LRRC42: variants seen among roughly 807,000 people sequenced by gnomAD.
LRRC42 encodes the protein leucine rich repeat containing 42, also known as leucine-rich repeat-containing protein 42.
A neutral mutation model predicts 44.3 loss-of-function variants in LRRC42; 43 were observed. That is an observed-to-expected ratio of 0.97 (90% CI 0.76 to 1.25). The LOEUF is 1.25. Among genes scored for constraint, LRRC42 ranks in the 50% most tolerant of loss-of-function variants. The pLI is 0.00. For missense variants in LRRC42, 540 were observed against 509.1 expected (o/e 1.06, Z -0.58); for synonymous variants, 207 against 195.2 (o/e 1.06, Z -0.50).
Position 53,967,852 on chromosome 1 carries a change from GACAGA to G in LRRC42, c.1207_1211del (p.Gln403Ter). ...AGAAGAGACCTTTTGAGGAGTCAGAGACAGAACAGAATAACTCTTCACAACCTTCA... is the reference window on the plus strand; with the variant it reads ...AGAAGAGACCTTTTGAGGAGTCAGAGACAGAATAACTCTTCACAACCTTCA... On this transcript the variant is annotated frameshift_variant, in exon 9 of 9. Transcript: ENST00000371370. LOFTEE classifies it high-confidence loss of function. 1 of 1,614,188 alleles carries G rather than the reference GACAGA, an allele frequency of 6.2e-7. No individual in the cohort carries two copies. The highest frequency in any genetic ancestry group is 8.5e-7 in the Non-Finnish European group (1 of 1,180,026).
intron 5 of LRRC42, among the ~76,000 whole-genome samples, chr1:53,961,039 C>T (rs1180811788): frequency 2.0e-5 from 3 of 152,242 alleles, no homozygotes; most frequent in South Asian, 2.1e-4. Context: ...ACCACTTTTA[C>T]TACCAGTTAT....
At chr1:53,954,255 A>G (rs1394609379) in intron 3 of LRRC42, among the ~76,000 whole-genome samples, 1 of 152,256 alleles carries the variant, frequency 6.6e-6, no homozygotes, top group African/African-American at 2.4e-5. Context: ...AGAAAAGAAT[A>G]GAAACTTGGC....
intron 4 of LRRC42, 69 bp downstream of exon 4, chr1:53,958,349 A>G (rs751432862): frequency 1.2e-4 from 186 of 1,568,520 alleles, no homozygotes; most frequent in Non-Finnish European, 1.6e-4. Context: ...CAACAGGATT[A>G]TCTTCAGGAA....
intron 7 of LRRC42, among the ~76,000 whole-genome samples, chr1:53,964,083 C>A (rs537803204): frequency 3.9e-5 from 6 of 152,052 alleles, no homozygotes; most frequent in Admixed American, 1.3e-4. Context: ...TGTCCCACCC[C>A]CTCCTTGCCT....
intron 2 of LRRC42, among the ~76,000 whole-genome samples, chr1:53,950,924 AAAAAAATCC>A (rs1654657893): frequency 6.6e-6 from 1 of 152,188 alleles, no homozygotes; most frequent in Admixed American, 6.5e-5. Context: ...TTTGTAGATA[AAAAAAATCC>A]TGTTGCTTTT....
At chr1:53,952,615 G>A (rs778100929) in intron 3 of LRRC42, 143 bp downstream of exon 3, 1 of 616,126 alleles carries the variant, frequency 1.6e-6, no homozygotes, top group African/African-American at 1.8e-5. Context: ...AGACCATATT[G>A]AAAAAAATCA....
At chr1:53,964,808 G>C (rs1655083979) in intron 7 of LRRC42, among the ~76,000 whole-genome samples, 1 of 152,022 alleles carries the variant, frequency 6.6e-6, no homozygotes, top group Non-Finnish European at 1.5e-5. Context: ...CTTGCCATGG[G>C]TCCCCTGGCA....
intron 3 of LRRC42, among the ~76,000 whole-genome samples, chr1:53,953,177 C>T (rs1654741203): frequency 6.6e-6 from 1 of 152,206 alleles, no homozygotes. Context: ...CTCCAGTTTC[C>T]TCTCTCCAGA....
chr1:53,948,213 A>G (rs1654580302), intron 2 of LRRC42, among the ~76,000 whole-genome samples: 1 of 152,148 alleles, frequency 6.6e-6, no homozygotes, highest in Admixed American at 6.5e-5. Flanking sequence ...CTGAAGTTAG[A>G]TATTTTCTTC....
At chr1:53,959,661 A>C (rs1232349270) in intron 4 of LRRC42, among the ~76,000 whole-genome samples, 2 of 152,260 alleles carry the variant, frequency 1.3e-5, no homozygotes, top group Admixed American at 6.5e-5. Context: ...AAGCTGGTTA[A>C]ATTTAGAGGA....
In LRRC42 at chr1:53,952,109, G is replaced by T. The variant is rs1170621581; in HGVS notation, c.110G>T (p.Ser37Ile). ...CTGGCTCTGGATGGTGTCAGGAGTA[G>T]CCTGCAGAAGCCAAGGCCTTTCAGA... The part of the protein sequence containing the change: ...VNLALDGVRS[S>I]LQKPRPFRLF... The change falls in exon 3 of 9, where the codon AGC (serine) becomes ATC (isoleucine). Residue 37 changes from serine (S) to isoleucine (I), a missense_variant. Physicochemically the swap from Ser to Ile is moderately radical, Grantham distance 142. Transcript: ENST00000371370. The T allele has an allele frequency of 6.2e-7, 1 of 1,614,208 alleles. No individual in the cohort carries two copies. The highest frequency in any genetic ancestry group is 1.6e-4 in the Middle Eastern group (1 of 6,062).
chr1:53,960,389 A>T lies in LRRC42; in HGVS notation c.639A>T (p.Leu213Phe). Residue 213 changes from leucine (L) to phenylalanine (F), a missense_variant, in exon 5 of 9, where the codon TTA becomes TTT. Transcript: ENST00000371370. ...AGCTCCACCTGAAGGATAATTGTTT[A>T]TCTGATGCTGGGGTGCGGAAGATGA... ...VTQLHLKDNC[L>F]SDAGVRKMTA... 2 of 1,613,872 alleles carry T rather than the reference A, an allele frequency of 1.2e-6. No individual in the cohort carries two copies. Among genetic ancestry groups the T allele is most frequent in the Non-Finnish European group, 1.7e-6 (2 of 1,179,932 alleles).
rs564189828 is a variant in LRRC42, at chr1:53,958,191, C to G, written c.516C>G (p.Phe172Leu). Reference protein sequence around the residue: ...ISEKLEEIKSFRELTCLDLSC... With the variant: ...ISEKLEEIKSLRELTCLDLSC... ...AAAAGCTTGAGGAGATTAAGTCTTT[C>G]CGGGAGCTGACCTGCCTGGATCTTT... is the stretch of plus-strand genomic sequence containing the variant. The change falls in exon 4 of 9, where the codon TTC (phenylalanine) becomes TTG (leucine). Residue 172 changes from phenylalanine to leucine, a missense_variant. Coordinates refer to ENST00000371370, the MANE Select transcript of LRRC42 (RefSeq NM_001256409.2). The G allele has an allele frequency of 6.2e-7, 1 of 1,613,900 alleles. No individual in the cohort carries two copies. Among genetic ancestry groups the G allele is most frequent in the Non-Finnish European group, 8.5e-7 (1 of 1,179,858 alleles).
At chr1:53,966,219 A>G in intron 7 of LRRC42, 77 bp from the exon 8 acceptor site, 6 of 1,208,658 alleles carry the variant, frequency 5.0e-6, no homozygotes, top group South Asian at 1.2e-5. Context: ...GGAGAGGGAA[A>G]AAGGGGGAAC....
Position 53,954,398 on chromosome 1 carries a change from T to C in LRRC42, c.473+1926T>C, listed in dbSNP as rs1171601454. On this transcript the variant is annotated intron_variant, in intron 3 of 8. Coordinates refer to ENST00000371370, the MANE Select transcript of LRRC42 (RefSeq NM_001256409.2). ...AATGAAAAAGTCAAGCAATATTTCA[T>C]TGTGGCTTATGCATTTAAAATACGT... 2.0e-5 allele frequency among the ~76,000 whole-genome samples: 3 copies of C among 152,370 alleles called. No individual in the cohort carries two copies. The East Asian group carries it at 5.8e-4, about 29-fold the overall frequency.
intron 5 of LRRC42, 103 bp downstream of exon 5, chr1:53,960,577 A>AC: frequency 1.2e-5 from 10 of 851,492 alleles, no homozygotes; most frequent in Non-Finnish European, 1.8e-5. Flanking sequence ...AGGAAAGGTG[A>AC]CTTTCCTCGG....
Position 53,965,721 on chromosome 1 carries a change from C to T in LRRC42, c.928-575C>T, listed in dbSNP as rs150735840. On this transcript the variant is annotated intron_variant, in intron 7 of 8. Transcript: ENST00000371370. ...CGATCTCCTGACCTCGTGACCCGCC[C>T]GCCTCGGCCTCCCAAAATGCTGGGA... 1.2e-3 allele frequency among the ~76,000 whole-genome samples: 185 copies of T among 151,702 alleles called. 5 individuals carry two copies. The East Asian group carries it at 0.03, about 25-fold the overall frequency.
intron 3 of LRRC42, among the ~76,000 whole-genome samples, chr1:53,955,729 C>T (rs1006900148): frequency 1.1e-4 from 16 of 150,006 alleles, no homozygotes; most frequent in Admixed American, 3.3e-4. Context: ...CCCGGGTTCA[C>T]GCAATTCTCC....
intron 3 of LRRC42, among the ~76,000 whole-genome samples, chr1:53,954,011 G>A (rs1261819542): frequency 6.6e-6 from 1 of 152,188 alleles, no homozygotes; most frequent in Non-Finnish European, 1.5e-5. Context: ...GGGATTACAG[G>A]CATGAGCCCC....
Sources: allele counts gnomAD v4.1 joint callset (sites outside exome capture counted in the v4.1 genomes callset), GRCh38; gene constraint gnomAD v4.1.1; transcripts MANE v1.5; gene names NCBI Gene and HGNC (gene_info 2026-07-23, HGNC 2026-07-21).